The following NBPF12 variants were observed in gnomAD, a reference collection of about 807,000 sequenced individuals.
NBPF12 encodes the protein NBPF member 12.
In NBPF12, 115 loss-of-function variants were observed where a neutral mutation model predicts 146.4. That is an observed-to-expected ratio of 0.79 (90% CI 0.68 to 0.92). The LOEUF (loss-of-function observed/expected upper bound fraction) is 0.92. NBPF12 is among the 40% of genes least tolerant of loss of function. The pLI is 0.00. For missense variants in NBPF12, 1,205 were observed against 1,326.8 expected (o/e 0.91, Z 1.43); for synonymous variants, 385 against 508.9 (o/e 0.76, Z 3.28).
chr1:146,960,460 G>A, intron 4 of NBPF12, 142 bp downstream of exon 7: 10 of 612,878 alleles, frequency 1.6e-5, no homozygotes, highest in Non-Finnish European at 2.9e-5. Context: ...TTAACATTTT[G>A]TTAAAGTTGG....
chr1:146,972,078 A>G (rs1332490402), intron 13 of NBPF12, among the ~76,000 whole-genome samples: 2 of 126,532 alleles, frequency 1.6e-5, no homozygotes, highest in Non-Finnish European at 3.2e-5. Flanking sequence ...ACAGAGCGAG[A>G]CTCCATCTAA....
chr1:146,966,728 T>A, intron 9 of NBPF12, 55 bp downstream of exon 12: 1 of 995,260 alleles, frequency 1.0e-6, no homozygotes, highest in Non-Finnish European at 1.6e-6. Flanking sequence ...CTGTCTTCTC[T>A]CTGAGAAACT....
intron 1 of NBPF12, among the ~76,000 whole-genome samples, chr1:146,949,908 ATCT>A: frequency 6.6e-6 from 1 of 151,910 alleles, no homozygotes; most frequent in East Asian, 1.9e-4. Context: ...CTCTGACTTC[ATCT>A]TCTCCAACCA....
At position 146,966,228 on chromosome 1, in the gene NBPF12, G is replaced by C. The variant is rs1386863202; in HGVS notation, c.779-236G>C. On this transcript the variant is annotated intron_variant, in intron 8 of 33. Transcript: ENST00000617844. ...TCTCAGGGCCAAGCCTTGCTTTATA[G>C]AAACGTATAAGCAAGAAAAGTGTAG... Among the ~76,000 whole-genome samples, 21 of 152,100 alleles carry C rather than the reference G, an allele frequency of 1.4e-4. No individual in the cohort carries two copies. The South Asian group carries it at 4.1e-3, about 30-fold the overall frequency.
At position 146,971,313 on chromosome 1, in the gene NBPF12, GA is replaced by G; in HGVS notation, c.1512del (p.Asp505ThrfsTer9). ...CAAGAACATCAAAATCACATTTGAG[GA>G]AGACAAAGTCAACTCATCTCTGGTT... On this transcript the variant is annotated frameshift_variant, in exon 13 of 34. Transcript: ENST00000617844. LOFTEE classifies it high-confidence loss of function. 6.2e-7 allele frequency: 1 copy of G among 1,612,208 alleles called. No individual in the cohort carries two copies. The highest frequency in any genetic ancestry group is 8.5e-7 in the Non-Finnish European group (1 of 1,179,732).
chr1:146,946,344 G>C (rs1655065375), upstream of NBPF12, among the ~76,000 whole-genome samples: 1 of 151,014 alleles, frequency 6.6e-6, no homozygotes, highest in Non-Finnish European at 1.5e-5. Flanking sequence ...CCTGATCTTT[G>C]ACAGCATTTG....
upstream of NBPF12, among the ~76,000 whole-genome samples, chr1:146,947,669 G>T (rs1553883484): frequency 3.7e-5 from 5 of 133,582 alleles, no homozygotes; most frequent in East Asian, 1.2e-3. Context: ...CTAATCCCTG[G>T]TCCCCATGAC....
chr1:146,950,128 T>A (rs1655265463), intron 1 of NBPF12, among the ~76,000 whole-genome samples: 1 of 151,922 alleles, frequency 6.6e-6, no homozygotes, highest in Admixed American at 6.6e-5. Flanking sequence ...ACACGCACAT[T>A]CCCCCATCTG....
chr1:146,962,145 T>C lies in NBPF12; in HGVS notation c.176-16T>C. On this transcript the variant is annotated splice_polypyrimidine_tract_variant and intron_variant, in intron 4 of 33. Coordinates refer to ENST00000617844, the Ensembl canonical transcript of NBPF12. ...CCAGCCTTCCACTGAGGCAGGCGTG[T>C]CTGTCTTTTTCTCAGAGTATGAAGA... is the stretch of plus-strand genomic sequence containing the variant. 6.2e-7 allele frequency: 1 copy of C among 1,608,264 alleles called. No individual in the cohort carries two copies. The highest frequency in any genetic ancestry group is 8.5e-7 in the Non-Finnish European group (1 of 1,177,586).
intron 29 of NBPF12, among the ~76,000 whole-genome samples, chr1:146,990,720 G>A (rs1380581635): frequency 2.4e-5 from 3 of 126,148 alleles, no homozygotes; most frequent in African/African-American, 9.7e-5. Context: ...ACTATAGGTT[G>A]ACCATACCTC....
chr1:146,967,733 G>A (rs1216238532), intron 9 of NBPF12, among the ~76,000 whole-genome samples: 1 of 150,236 alleles, frequency 6.7e-6, no homozygotes, highest in Non-Finnish European at 1.5e-5. Flanking sequence ...CCTGTTCAGA[G>A]GGTACTACAA....
chr1:146,970,948 G>A (rs1315689216), intron 12 of NBPF12, among the ~76,000 whole-genome samples: 1 of 151,256 alleles, frequency 6.6e-6, no homozygotes, highest in Non-Finnish European at 1.5e-5. Flanking sequence ...ATCCTCCTCA[G>A]CTCCTATTTG....
At chr1:146,995,657 T>G (rs55641362) in exon 34 of NBPF12, 191 of 144,908 alleles carry the variant, frequency 1.3e-3, no homozygotes, top group African/African-American at 5.0e-3. Context: ...CAGCCTAAAC[T>G]TTTTGCTGGG....
At chr1:146,965,711 G>C (rs1656147931) in intron 8 of NBPF12, among the ~76,000 whole-genome samples, 1 of 136,962 alleles carries the variant, frequency 7.3e-6, no homozygotes, top group Admixed American at 8.3e-5. Context: ...AGAATGGCAT[G>C]AACCCAGGAA....
exon 28 of NBPF12, chr1:146,989,583 G>A (rs1559530988): frequency 1.9e-5 from 30 of 1,552,084 alleles, no homozygotes; most frequent in Non-Finnish European, 2.5e-5. Flanking sequence ...GGCTCAGCAG[G>A]GAGCTGCTGG....
upstream of NBPF12, among the ~76,000 whole-genome samples, chr1:146,946,612 G>A (rs1300794176): frequency 3.2e-4 from 37 of 115,998 alleles, no homozygotes; most frequent in African/African-American, 1.2e-3. Context: ...TATTTTGTAA[G>A]TATTTTCTCC....
At chr1:146,946,437 A>G (rs1462007290), upstream of NBPF12, among the ~76,000 whole-genome samples, 3 of 148,552 alleles carry the variant, frequency 2.0e-5, no homozygotes, top group Non-Finnish European at 3.0e-5. Flanking sequence ...TCCCTCACAA[A>G]TGATTTTGAG....
chr1:146,985,967 C>T (rs1392964259), intron 23 of NBPF12, among the ~76,000 whole-genome samples: 1 of 151,224 alleles, frequency 6.6e-6, no homozygotes, highest in Non-Finnish European at 1.5e-5. Flanking sequence ...TTGACCATAC[C>T]TCAAAGGCCG....
At chr1:146,965,479 G>C (rs1444919715) in intron 8 of NBPF12, among the ~76,000 whole-genome samples, 2 of 151,068 alleles carry the variant, frequency 1.3e-5, no homozygotes, top group Non-Finnish European at 2.9e-5. Context: ...TCATTGGCTT[G>C]TCTTAGCTAT....
Sources: allele counts gnomAD v4.1 joint callset (sites outside exome capture counted in the v4.1 genomes callset), GRCh38; gene constraint gnomAD v4.1.1; transcripts MANE v1.5; gene names NCBI Gene and HGNC (gene_info 2026-07-23, HGNC 2026-07-21).